PAK2: variants seen among roughly 807,000 people sequenced by gnomAD.
PAK2 encodes the protein p21 (RAC1) activated kinase 2.
Under a neutral mutation model 65.9 loss-of-function variants are expected in PAK2, and 21 were observed. That is an observed-to-expected ratio of 0.32 (90% CI 0.23 to 0.46). The LOEUF (loss-of-function observed/expected upper bound fraction) is 0.46, where lower values mean the gene tolerates loss of function less well. Ranked by LOEUF, PAK2 falls within the 20% of genes least tolerant of loss-of-function variation. The pLI is 1.00. For synonymous variants in PAK2, 204 were observed against 219.7 expected (o/e 0.93, Z 0.63); for missense variants, 324 against 642.6 (o/e 0.50, Z 5.36).
chr3:196,807,470 G>A (rs1397527076), intron 6 of PAK2, among the ~76,000 whole-genome samples: 1 of 152,168 alleles, frequency 6.6e-6, no homozygotes, highest in Non-Finnish European at 1.5e-5. Flanking sequence ...GTAAAAACAT[G>A]ATTTTTAAAC....
intron 1 of PAK2, among the ~76,000 whole-genome samples, chr3:196,749,718 C>T (rs1713505148): frequency 1.3e-5 from 2 of 152,300 alleles, no homozygotes; most frequent in Admixed American, 1.3e-4. Context: ...TGCATTCCCA[C>T]CAGCAATGGA....
chr3:196,759,483 T>C (rs1713874378), intron 1 of PAK2, among the ~76,000 whole-genome samples: 1 of 147,090 alleles, frequency 6.8e-6, no homozygotes, highest in Non-Finnish European at 1.5e-5. Flanking sequence ...GGTATACAGT[T>C]AAGTGGTTTT....
intron 1 of PAK2, among the ~76,000 whole-genome samples, chr3:196,743,337 G>C (rs1003728282): frequency 6.6e-6 from 1 of 152,100 alleles, no homozygotes; most frequent in African/African-American, 2.4e-5. Flanking sequence ...AATTCTTGCT[G>C]TTCTACTTTA....
intron 4 of PAK2, among the ~76,000 whole-genome samples, chr3:196,804,842 TATAC>T (rs1340292368): frequency 4.8e-5 from 7 of 145,430 alleles, no homozygotes; most frequent in African/African-American, 1.8e-4. Flanking sequence ...TATATATATA[TATAC>T]ACACACACAT....
At chr3:196,805,323 G>C (rs762697841) in intron 4 of PAK2, 29 bp from the exon 5 acceptor site, 1 of 1,260,368 alleles carries the variant, frequency 7.9e-7, no homozygotes, top group Non-Finnish European at 1.1e-6. Context: ...TTCTTGAATT[G>C]CTAATGTTAT....
chr3:196,788,838 C>T (rs974412497), intron 2 of PAK2, among the ~76,000 whole-genome samples: 13 of 152,122 alleles, frequency 8.5e-5, no homozygotes, highest in Non-Finnish European at 1.8e-4. Context: ...AGCTGAGTGC[C>T]GCCCGGTGTT....
intron 2 of PAK2, among the ~76,000 whole-genome samples, chr3:196,797,299 C>T (rs1715287487): frequency 6.6e-6 from 1 of 151,956 alleles, no homozygotes; most frequent in African/African-American, 2.4e-5. Context: ...ACCGTCTTTA[C>T]TAATTATACA....
At chr3:196,818,440 G>C (rs893219132) in intron 12 of PAK2, among the ~76,000 whole-genome samples, 1 of 152,122 alleles carries the variant, frequency 6.6e-6, no homozygotes, top group South Asian at 2.1e-4. Context: ...GCCCAGGCTG[G>C]AGTGCAACCT....
At chr3:196,765,390 T>A (rs1038668141) in intron 1 of PAK2, among the ~76,000 whole-genome samples, 1 of 151,822 alleles carries the variant, frequency 6.6e-6, no homozygotes. Context: ...CCTCAAGCAA[T>A]CCCCCACCTC....
In PAK2 at chr3:196,762,142, G is replaced by A. The variant is rs1272016906; in HGVS notation, c.-21-20484G>A. On this transcript the variant is annotated intron_variant, in intron 1 of 14. Transcript: ENST00000327134. ...GTCCCCCACATCTCAGACGATGGGC[G>A]CCCGGGCAGAGACGCTCCTCACTTC... Among the ~76,000 whole-genome samples the A allele has an allele frequency of 6.1e-5, 7 of 115,224 alleles. 1 individual carries two copies. In the South Asian group the frequency reaches 1.1e-3, roughly 18 times the overall value. The allele number at this position is 115,224 out of a possible 152,430, so 75.6% of individuals were successfully genotyped here. A position where few individuals can be genotyped will look rare whatever the true frequency, so the allele number is the denominator to read the frequency against.
intron 1 of PAK2, among the ~76,000 whole-genome samples, chr3:196,752,834 C>CT (rs1366774596): frequency 6.6e-6 from 1 of 151,670 alleles, no homozygotes; most frequent in Non-Finnish European, 1.5e-5. Flanking sequence ...TCAAGTGATC[C>CT]GTCTGCCTTG....
intron 13 of PAK2, among the ~76,000 whole-genome samples, chr3:196,826,326 C>T (rs1382119470): frequency 1.3e-5 from 2 of 151,970 alleles, no homozygotes; most frequent in Non-Finnish European, 2.9e-5. Flanking sequence ...CGCCCACCAC[C>T]ACGCCCGGCT....
chr3:196,827,795 C>T (rs1425118151), intron 14 of PAK2, among the ~76,000 whole-genome samples: 1 of 152,122 alleles, frequency 6.6e-6, no homozygotes. Context: ...AAAATTCTGA[C>T]AAAACCGTAA....
intron 1 of PAK2, among the ~76,000 whole-genome samples, chr3:196,759,498 GTTTTTTTTTTTTTTTTTTTTTTT>G (rs71301221): frequency 0.014 from 1,564 of 108,170 alleles, 62 homozygotes; most frequent in Admixed American, 0.1. Flanking sequence ...GGTTTTTTTT[GTTTTTTTTTTTTTTTTTTTTTTT>G]TTTTTTTTTT....
At chr3:196,821,970 C>T (rs987305601) in intron 13 of PAK2, among the ~76,000 whole-genome samples, 8 of 152,170 alleles carry the variant, frequency 5.3e-5, no homozygotes, top group Non-Finnish European at 1.2e-4. Context: ...AGTGCCAATC[C>T]GTGTTACAGC....
In PAK2 at chr3:196,830,201, TA is replaced by T. The variant is rs1373138319; in HGVS notation, c.*1797del. 1 of 152,212 alleles carries T rather than the reference TA, an allele frequency of 6.6e-6. No individual in the cohort carries two copies. Among genetic ancestry groups the T allele is most frequent in the African/African-American group, 2.4e-5 (1 of 41,462 alleles). 9.4% of individuals were successfully genotyped at this position (152,212 alleles called of 1,614,324 possible). On this transcript the variant is annotated 3_prime_UTR_variant, in exon 15 of 15. Transcript: ENST00000327134. Reference sequence around the variant, plus strand: ...TATAAGGAGAGAAGTGACTGTTTTTTATTGATAAGGCAAGATTTTCAGAAAA... The same window carrying T: ...TATAAGGAGAGAAGTGACTGTTTTTTTTGATAAGGCAAGATTTTCAGAAAA...
intron 1 of PAK2, among the ~76,000 whole-genome samples, chr3:196,774,026 C>T (rs1345829377): frequency 1.3e-5 from 2 of 151,972 alleles, no homozygotes; most frequent in East Asian, 1.9e-4. Context: ...AACGAGACTC[C>T]GTCTCAAAAA....
intron 1 of PAK2, among the ~76,000 whole-genome samples, chr3:196,755,793 G>A (rs574929317): frequency 6.6e-6 from 1 of 150,940 alleles, no homozygotes; most frequent in Non-Finnish European, 1.5e-5. Flanking sequence ...GTCTCGCTTT[G>A]TTGCCAGCCT....
At chr3:196,776,249 T>G in intron 1 of PAK2, among the ~76,000 whole-genome samples, 1 of 152,216 alleles carries the variant, frequency 6.6e-6, no homozygotes, top group Admixed American at 6.5e-5. Flanking sequence ...AGTGCCAGTT[T>G]CACGTAATAA....
Sources: gnomAD v4.1 joint callset for allele counts (sites outside exome capture counted in the v4.1 genomes callset) on GRCh38, gnomAD v4.1.1 for gene constraint, MANE v1.5 for transcripts, NCBI Gene and HGNC (gene_info 2026-07-23, HGNC 2026-07-21) for gene names.